Variants in SYNPR observed in about 807,000 individuals in gnomAD.
SYNPR encodes synaptoporin.
In SYNPR, 23 loss-of-function variants were observed where a neutral mutation model predicts 32.9. The observed-to-expected ratio is 0.70, with a 90% CI of 0.50 to 0.99. SYNPR has a LOEUF of 0.99. Among genes scored for constraint, SYNPR ranks in the 50% least tolerant of loss-of-function variants. The pLI, the probability that SYNPR is intolerant of heterozygous loss-of-function variation, is 0.00. For synonymous variants in SYNPR, 146 were observed against 135.9 expected, an observed-to-expected ratio of 1.07 and a Z score of -0.52; for missense variants, 318 against 349.3, an observed-to-expected ratio of 0.91 and a Z score of 0.71.
At chr3:63,330,934 T>C (rs1167776411) in intron 2 of SYNPR, among the ~76,000 whole-genome samples, 1 of 152,142 alleles carries the variant, frequency 6.6e-6, no homozygotes, top group Non-Finnish European at 1.5e-5. Context: ...GATGAAACTG[T>C]CTGTTCAGAC....
At chr3:63,355,555 T>A (rs969637404) in intron 2 of SYNPR, among the ~76,000 whole-genome samples, 1 of 152,182 alleles carries the variant, frequency 6.6e-6, no homozygotes, top group Admixed American at 6.5e-5. Flanking sequence ...ACTATTCACC[T>A]GCATGAAATC....
chr3:63,257,651 C>T (rs971692025), intron 2 of SYNPR, among the ~76,000 whole-genome samples: 9 of 152,180 alleles, frequency 5.9e-5, no homozygotes, highest in Non-Finnish European at 1.5e-5. Flanking sequence ...TAGGAAGAAA[C>T]TGCATCAACT....
chr3:63,610,678 A>C (rs184519235), intron 5 of SYNPR: 1 of 455,348 alleles, frequency 2.2e-6, no homozygotes, highest in Admixed American at 3.7e-5. Flanking sequence ...ATACTTCTGT[A>C]GTTTGTTTAT....
chr3:63,237,591 G>C (rs889013144), intron 1 of SYNPR, among the ~76,000 whole-genome samples: 2 of 151,902 alleles, frequency 1.3e-5, no homozygotes, highest in Non-Finnish European at 2.9e-5. Flanking sequence ...GATGTTCTTG[G>C]TTCTTAGTAT....
At chr3:63,499,711 C>T (rs180963943) in intron 3 of SYNPR, among the ~76,000 whole-genome samples, 34 of 152,258 alleles carry the variant, frequency 2.2e-4, no homozygotes, top group South Asian at 2.1e-3. Flanking sequence ...GTATTTCTTA[C>T]TTTCTAGCTC....
intron 2 of SYNPR, among the ~76,000 whole-genome samples, chr3:63,406,337 A>G (rs2088359395): frequency 6.6e-6 from 1 of 152,194 alleles, no homozygotes; most frequent in African/African-American, 2.4e-5. Flanking sequence ...AAGAAGGAAG[A>G]AATCAAATAA....
intron 2 of SYNPR, among the ~76,000 whole-genome samples, chr3:63,440,036 A>G (rs538192336): frequency 2.6e-5 from 4 of 152,370 alleles, no homozygotes; most frequent in Non-Finnish European, 5.9e-5. Flanking sequence ...ATAATAAATG[A>G]ACAAATAAAT....
intron 2 of SYNPR, among the ~76,000 whole-genome samples, chr3:63,328,079 G>A (rs999424715): frequency 6.6e-6 from 1 of 152,122 alleles, no homozygotes; most frequent in Non-Finnish European, 1.5e-5. Flanking sequence ...ATACATTTTA[G>A]TGTCCCCATG....
At chr3:63,493,701 A>G (rs1701300787) in intron 3 of SYNPR, among the ~76,000 whole-genome samples, 1 of 151,840 alleles carries the variant, frequency 6.6e-6, no homozygotes, top group African/African-American at 2.4e-5. Flanking sequence ...CTGTAGTCCC[A>G]GCTACTTGGG....
At chr3:63,277,522 A>G (rs2086587815), upstream of SYNPR, among the ~76,000 whole-genome samples, 1 of 152,186 alleles carries the variant, frequency 6.6e-6, no homozygotes, top group Non-Finnish European at 1.5e-5. Context: ...AAAAGATCTC[A>G]GTAGAAATAA....
chr3:63,317,525 T>A (rs2087055986), intron 2 of SYNPR, among the ~76,000 whole-genome samples: 1 of 152,078 alleles, frequency 6.6e-6, no homozygotes, highest in African/African-American at 2.4e-5. Context: ...CTTTAGAATT[T>A]GTTTTGTCTG....
intron 2 of SYNPR, among the ~76,000 whole-genome samples, chr3:63,336,426 A>T (rs1161256284): frequency 6.6e-6 from 1 of 150,488 alleles, no homozygotes; most frequent in East Asian, 2.0e-4. Context: ...ACAATCTAAA[A>T]AGTTTATGTT....
At chr3:63,494,432 T>TATAC (rs1416146963) in intron 3 of SYNPR, among the ~76,000 whole-genome samples, 6 of 110,628 alleles carry the variant, frequency 5.4e-5, no homozygotes, top group African/African-American at 2.5e-4. Context: ...TATATATATA[T>TATAC]ACGTATATAT....
intron 2 of SYNPR, among the ~76,000 whole-genome samples, chr3:63,263,599 T>C (rs1397114845): frequency 6.6e-6 from 1 of 152,152 alleles, no homozygotes; most frequent in Non-Finnish European, 1.5e-5. Context: ...TTACCAAGGA[T>C]AGAGGATCCA....
In SYNPR at chr3:63,475,291, T is replaced by A. The variant is rs549688903; in HGVS notation, c.85-5541T>A. ...AAGACAGTAGTGAAATGAGAGTTCATTGCAGGTGATTTATTTTGGTCTCCT... is the reference window on the plus strand; with the variant it reads ...AAGACAGTAGTGAAATGAGAGTTCAATGCAGGTGATTTATTTTGGTCTCCT... On this transcript the variant is annotated intron_variant, in intron 2 of 5. Coordinates refer to ENST00000478300, the MANE Select transcript of SYNPR (RefSeq NM_001130003.2). Among the ~76,000 whole-genome samples the A allele has an allele frequency of 2.0e-5, 3 of 152,282 alleles. No individual in the cohort carries two copies. In the East Asian group the frequency reaches 5.8e-4, roughly 29 times the overall value.
chr3:63,445,868 A>G (rs548435813), intron 2 of SYNPR, among the ~76,000 whole-genome samples: 1 of 152,256 alleles, frequency 6.6e-6, no homozygotes, highest in Non-Finnish European at 1.5e-5. Flanking sequence ...CTATAGTTAA[A>G]CATCCTATTT....
At chr3:63,365,855 C>T (rs548891433) in intron 2 of SYNPR, among the ~76,000 whole-genome samples, 1 of 152,210 alleles carries the variant, frequency 6.6e-6, no homozygotes, top group East Asian at 1.9e-4. Context: ...ACATGTTGAC[C>T]TTGGAACCAC....
At chr3:63,461,208 G>C (rs1700579231) in intron 2 of SYNPR, among the ~76,000 whole-genome samples, 1 of 152,174 alleles carries the variant, frequency 6.6e-6, no homozygotes, top group South Asian at 2.1e-4. Flanking sequence ...CATAGTACAT[G>C]ATAAATGGGT....
chr3:63,523,724 TTTTG>T (rs1238301774), intron 3 of SYNPR, among the ~76,000 whole-genome samples: 3 of 152,052 alleles, frequency 2.0e-5, no homozygotes, highest in African/African-American at 4.8e-5. Flanking sequence ...GATTTTTGGG[TTTTG>T]TTTGTTTGTT....
Sources: gnomAD v4.1 joint callset for allele counts (sites outside exome capture counted in the v4.1 genomes callset) on GRCh38, gnomAD v4.1.1 for gene constraint, MANE v1.5 for transcripts, NCBI Gene and HGNC (gene_info 2026-07-23, HGNC 2026-07-21) for gene names.